NSMCE2: variants seen among roughly 807,000 people sequenced by gnomAD.
NSMCE2 encodes E3 SUMO-protein ligase NSE2.
Under a neutral mutation model 23.8 loss-of-function variants are expected in NSMCE2, and 24 were observed. That is an observed-to-expected ratio of 1.01 (90% CI 0.73 to 1.42). The LOEUF (loss-of-function observed/expected upper bound fraction) is 1.42. NSMCE2 is among the 40% of genes most tolerant of loss of function. The pLI is 0.00. For synonymous variants in NSMCE2, 92 were observed against 94.1 expected (o/e 0.98, Z 0.13); for missense variants, 284 against 296.5 (o/e 0.96, Z 0.31).
At chr8:125,267,761 G>A (rs1826996109) in intron 5 of NSMCE2, among the ~76,000 whole-genome samples, 1 of 152,082 alleles carries the variant, frequency 6.6e-6, no homozygotes, top group Non-Finnish European at 1.5e-5. Flanking sequence ...TGGGTGAAGA[G>A]CGAGACTCTG....
At chr8:125,340,661 C>T (rs909570408) in intron 5 of NSMCE2, among the ~76,000 whole-genome samples, 7 of 152,166 alleles carry the variant, frequency 4.6e-5, no homozygotes, top group African/African-American at 1.7e-4. Flanking sequence ...AAATTAGATA[C>T]AAGAGGCCAC....
chr8:125,242,629 C>T (rs952170784), intron 5 of NSMCE2, among the ~76,000 whole-genome samples: 1 of 152,144 alleles, frequency 6.6e-6, no homozygotes, highest in East Asian at 1.9e-4. Context: ...GACCAGTGCT[C>T]ACAAATACCC....
At chr8:125,134,736 T>C (rs907178783) in intron 3 of NSMCE2, among the ~76,000 whole-genome samples, 1 of 149,330 alleles carries the variant, frequency 6.7e-6, no homozygotes, top group Non-Finnish European at 1.5e-5. Context: ...TTTTTTTTTT[T>C]TTTTTTTAAG....
chr8:125,286,694 A>G (rs1231420058), intron 5 of NSMCE2, among the ~76,000 whole-genome samples: 1 of 151,132 alleles, frequency 6.6e-6, no homozygotes, highest in Admixed American at 6.6e-5. Flanking sequence ...TTTCATGTCC[A>G]TGAACTTGCT....
chr8:125,212,598 TATTA>T (rs1458814112), intron 5 of NSMCE2, among the ~76,000 whole-genome samples: 2 of 152,116 alleles, frequency 1.3e-5, no homozygotes, highest in African/African-American at 4.8e-5. Context: ...ATTGCCAGAG[TATTA>T]ATTAAATTGA....
At chr8:125,270,217 A>G (rs1218050939) in intron 5 of NSMCE2, among the ~76,000 whole-genome samples, 2 of 152,268 alleles carry the variant, frequency 1.3e-5, no homozygotes, top group Non-Finnish European at 2.9e-5. Flanking sequence ...CTGTAATCCC[A>G]GCACTTTGGG....
In NSMCE2 at chr8:125,252,467, A is replaced by G. The variant is rs573601844; in HGVS notation, c.418+70211A>G. Among the ~76,000 whole-genome samples, 214 of 152,292 alleles carry G rather than the reference A, an allele frequency of 1.4e-3. 1 individual carries two copies. Among genetic ancestry groups the G allele is most frequent in the African/African-American group, 5.0e-3 (207 of 41,570 alleles). Reference sequence around the variant, plus strand: ...CGTGAACCCAGGAGGCGGAGCTCGCAGTGAGCTGAGATCCCGCCACTGCAC... The same window carrying G: ...CGTGAACCCAGGAGGCGGAGCTCGCGGTGAGCTGAGATCCCGCCACTGCAC... On this transcript the variant is annotated intron_variant, in intron 5 of 7. Transcript: ENST00000287437.
intron 5 of NSMCE2, among the ~76,000 whole-genome samples, chr8:125,331,110 G>A (rs1014024679): frequency 2.0e-5 from 3 of 152,056 alleles, no homozygotes; most frequent in African/African-American, 7.2e-5. Flanking sequence ...GACCATCCTG[G>A]CCAACATGGT....
chr8:125,274,861 C>T (rs1050818621), intron 5 of NSMCE2, among the ~76,000 whole-genome samples: 2 of 146,274 alleles, frequency 1.4e-5, no homozygotes, highest in African/African-American at 5.1e-5. Context: ...ACCTGGGAGG[C>T]GGAGGTTGCA....
intron 5 of NSMCE2, among the ~76,000 whole-genome samples, chr8:125,304,486 A>G (rs568593674): frequency 3.4e-4 from 52 of 152,264 alleles, no homozygotes; most frequent in African/African-American, 9.1e-4. Flanking sequence ...AAGTAGTTAC[A>G]ATGGTTTAGA....
intron 5 of NSMCE2, among the ~76,000 whole-genome samples, chr8:125,322,641 A>C (rs1234119206): frequency 6.6e-6 from 1 of 152,248 alleles, no homozygotes; most frequent in African/African-American, 2.4e-5. Context: ...AGAAAAAGCA[A>C]TAAAGGCATC....
At chr8:125,361,257 AG>A (rs1182204332) in intron 7 of NSMCE2, among the ~76,000 whole-genome samples, 1 of 152,002 alleles carries the variant, frequency 6.6e-6, no homozygotes, top group East Asian at 1.9e-4. Context: ...TAGTAGAGAC[AG>A]GGTTTCACCA....
intron 3 of NSMCE2, among the ~76,000 whole-genome samples, chr8:125,137,084 A>T (rs987482305): frequency 1.3e-5 from 2 of 150,778 alleles, no homozygotes; most frequent in East Asian, 1.9e-4. Context: ...TGAAATCAAA[A>T]TTTTTTTTTT....
chr8:125,136,833 G>T (rs1010001275), intron 3 of NSMCE2, among the ~76,000 whole-genome samples: 8 of 152,050 alleles, frequency 5.3e-5, no homozygotes, highest in African/African-American at 1.7e-4. Context: ...GATGATTTCA[G>T]TCAATTAAAT....
At chr8:125,269,724 T>C (rs1402914063) in intron 5 of NSMCE2, among the ~76,000 whole-genome samples, 2 of 152,202 alleles carry the variant, frequency 1.3e-5, no homozygotes, top group Non-Finnish European at 2.9e-5. Context: ...CGTTTAAGTC[T>C]GTGTTGCAGA....
chr8:125,312,841 T>C (rs937530973), intron 5 of NSMCE2, among the ~76,000 whole-genome samples: 1 of 151,698 alleles, frequency 6.6e-6, no homozygotes, highest in Non-Finnish European at 1.5e-5. Flanking sequence ...ACGGGGCCGG[T>C]TGGAGAAGAG....
At chr8:125,211,431 T>A (rs975638096) in intron 5 of NSMCE2, among the ~76,000 whole-genome samples, 6 of 152,250 alleles carry the variant, frequency 3.9e-5, no homozygotes, top group African/African-American at 1.4e-4. Context: ...TCAGTACATA[T>A]AGCACTGCCT....
chr8:125,316,666 CCTTCTTT>C, intron 5 of NSMCE2, among the ~76,000 whole-genome samples: 1 of 137,548 alleles, frequency 7.3e-6, no homozygotes, highest in Admixed American at 8.0e-5. Context: ...TTCCTTCCTT[CCTTCTTT>C]CCTTCCTTCT....
At chr8:125,290,966 A>G (rs1418592991) in intron 5 of NSMCE2, among the ~76,000 whole-genome samples, 1 of 152,248 alleles carries the variant, frequency 6.6e-6, no homozygotes, top group African/African-American at 2.4e-5. Context: ...GTGCCCGACA[A>G]TAGGCATTCA....
Sources: allele counts gnomAD v4.1 joint callset (sites outside exome capture counted in the v4.1 genomes callset), GRCh38; gene constraint gnomAD v4.1.1; transcripts MANE v1.5; gene names NCBI Gene and HGNC (gene_info 2026-07-23, HGNC 2026-07-21).